TFB2M: variants seen among roughly 807,000 people sequenced by gnomAD.
TFB2M encodes dimethyladenosine transferase 2, mitochondrial.
Under a neutral mutation model 41.3 loss-of-function variants are expected in TFB2M, and 44 were observed. The ratio of observed to expected loss-of-function variants is 1.07; its 90% CI spans 0.84 to 1.37. The LOEUF is 1.37. Ranked by LOEUF, TFB2M falls within the 40% of genes most tolerant of loss-of-function variation. TFB2M has a pLI of 0.00. For missense variants in TFB2M, 496 were observed against 490.2 expected (o/e 1.01, Z -0.11); for synonymous variants, 188 against 176.8 (o/e 1.06, Z -0.50).
intron 7 of TFB2M, among the ~76,000 whole-genome samples, chr1:246,543,217 T>C (rs1251456145): frequency 1.1e-5 from 1 of 88,326 alleles, no homozygotes; most frequent in African/African-American, 3.7e-5. Flanking sequence ...CAACAGCTCA[T>C]TCAGAGTTAA....
intron 2 of TFB2M, 38 bp from the exon 3 acceptor site, chr1:246,557,572 G>A (rs1215305409): frequency 6.6e-7 from 1 of 1,515,812 alleles, no homozygotes; most frequent in South Asian, 1.3e-5. Context: ...AAAATTTTCA[G>A]CATTAAGTAT....
intron 2 of TFB2M, among the ~76,000 whole-genome samples, chr1:246,563,552 C>T (rs780563893): frequency 2.6e-5 from 4 of 151,380 alleles, no homozygotes; most frequent in Admixed American, 6.6e-5. Flanking sequence ...TACAGTGAGC[C>T]GAGATCGCAC....
intron 7 of TFB2M, 128 bp from the exon 8 acceptor site, chr1:246,541,330 C>T: frequency 1.2e-6 from 1 of 830,608 alleles, no homozygotes; most frequent in Middle Eastern, 3.6e-4. Context: ...CTATAATGGA[C>T]ACGGGAGAAT....
In TFB2M at chr1:246,551,951, T is replaced by C. The variant is rs114593198; in HGVS notation, c.706-649A>G. ...GCTGTCTTTCCATGGCTAGCAAATA[T>C]GTATTTACTAAATGGGTCTGGGGGA... On this transcript the variant is annotated intron_variant, in intron 4 of 7. Transcript: ENST00000366514. Among the ~76,000 whole-genome samples, 1,174 of 152,312 alleles carry C rather than the reference T, an allele frequency of 7.7e-3. 9 individuals carry two copies. Among genetic ancestry groups the C allele is most frequent in the Middle Eastern group, 0.024 (7 of 294 alleles).
In TFB2M at chr1:246,548,599, C is replaced by T; in HGVS notation, c.804G>A (p.Trp268Ter). The T allele has an allele frequency of 6.2e-7, 1 of 1,612,984 alleles. No homozygotes were observed. Among genetic ancestry groups the T allele is most frequent in the Non-Finnish European group, 8.5e-7 (1 of 1,179,604 alleles). ...TCCGGGTGTATATATCAAATGATGACCAAGGCTCCTGGGGAAGAAAAACAA... is the reference window on the plus strand; with the variant it reads ...TCCGGGTGTATATATCAAATGATGATCAAGGCTCCTGGGGAAGAAAAACAA... ...CEIKVLHMEPWSSFDIYTRKG... is the reference protein window; with the variant it reads ...CEIKVLHMEP The change falls in exon 6 of 8, where the codon TGG becomes TGA. Residue 268 changes from tryptophan to a stop codon, truncating the protein, a stop_gained. Coordinates refer to ENST00000366514, the MANE Select transcript of TFB2M (RefSeq NM_022366.3). LOFTEE classifies it high-confidence loss of function.
At chr1:246,545,887 A>T (rs1263861559) in intron 6 of TFB2M, among the ~76,000 whole-genome samples, 1 of 151,886 alleles carries the variant, frequency 6.6e-6, no homozygotes, top group Non-Finnish European at 1.5e-5. Context: ...AGTCCACTAA[A>T]TGCAAGGCAC....
At position 246,544,697 on chromosome 1, in the gene TFB2M, A is replaced by G. The variant is rs1187604876; in HGVS notation, c.859-16T>C. On this transcript the variant is annotated splice_polypyrimidine_tract_variant and intron_variant, in intron 6 of 7. Transcript: ENST00000366514. The stretch of plus-strand genomic sequence containing the variant: ...CTAATAATTCCTGGAGAGAAGAAAA[A>G]ATGAATTGCATTAGTCACAAAATAT... The G allele has an allele frequency of 6.3e-7, 1 of 1,577,372 alleles. No individual in the cohort carries two copies. The highest frequency in any genetic ancestry group is 1.7e-4 in the Middle Eastern group (1 of 5,884).
intron 6 of TFB2M, among the ~76,000 whole-genome samples, chr1:246,546,260 CGTGAT>C (rs1659016342): frequency 6.7e-6 from 1 of 149,478 alleles, no homozygotes; most frequent in Non-Finnish European, 1.5e-5. Context: ...TGCAGTAAGC[CGTGAT>C]TATGCCACTG....
At chr1:246,561,546 CA>C (rs564280625) in intron 2 of TFB2M, among the ~76,000 whole-genome samples, 13 of 152,162 alleles carry the variant, frequency 8.5e-5, no homozygotes, top group Non-Finnish European at 1.6e-4. Flanking sequence ...CGGCTCACTG[CA>C]ACCTCCACCT....
At chr1:246,560,212 A>G (rs1659420022) in intron 2 of TFB2M, among the ~76,000 whole-genome samples, 1 of 152,210 alleles carries the variant, frequency 6.6e-6, no homozygotes, top group African/African-American at 2.4e-5. Flanking sequence ...CCCCTGATAT[A>G]GCATTAACAT....
intron 2 of TFB2M, 69 bp from the exon 3 acceptor site, chr1:246,557,603 A>T (rs1209151530): frequency 1.6e-6 from 2 of 1,238,040 alleles, no homozygotes; most frequent in Non-Finnish European, 2.2e-6. Flanking sequence ...AATTCAAAAA[A>T]CTCTACTTCA....
chr1:246,546,149 TACAA>T (rs1290080431), intron 6 of TFB2M, among the ~76,000 whole-genome samples: 2 of 148,986 alleles, frequency 1.3e-5, no homozygotes, highest in Non-Finnish European at 3.0e-5. Flanking sequence ...ACTCCTTCTT[TACAA>T]ACAAACAAAC....
chr1:246,556,824 C>G, intron 3 of TFB2M, 103 bp from the exon 4 acceptor site: 1 of 998,078 alleles, frequency 1.0e-6, no homozygotes, highest in South Asian at 1.9e-5. Context: ...ATATTAATTT[C>G]AAGTTTATTT....
At chr1:246,544,425 A>T in intron 7 of TFB2M, 96 bp downstream of exon 7, 1 of 1,123,990 alleles carries the variant, frequency 8.9e-7, no homozygotes, top group Non-Finnish European at 1.3e-6. Flanking sequence ...ATGGTACCTC[A>T]CTCTGTCAAT....
At chr1:246,542,535 T>C (rs1336673824) in intron 7 of TFB2M, among the ~76,000 whole-genome samples, 1 of 151,896 alleles carries the variant, frequency 6.6e-6, no homozygotes, top group Admixed American at 6.6e-5. Flanking sequence ...TAGCTGGGCA[T>C]AGTGGTGGGC....
At chr1:246,558,062 C>A (rs763403605) in intron 2 of TFB2M, among the ~76,000 whole-genome samples, 64 of 151,736 alleles carry the variant, frequency 4.2e-4, no homozygotes, top group Non-Finnish European at 7.5e-4. Flanking sequence ...AAGTAAAAAT[C>A]AATTAATACC....
At chr1:246,565,041 T>C (rs566538856) in intron 1 of TFB2M, among the ~76,000 whole-genome samples, 1 of 152,160 alleles carries the variant, frequency 6.6e-6, no homozygotes, top group Non-Finnish European at 1.5e-5. Context: ...CACAGCAAAA[T>C]AGATTGCCTC....
At chr1:246,560,602 C>T (rs972052952) in intron 2 of TFB2M, among the ~76,000 whole-genome samples, 2 of 152,240 alleles carry the variant, frequency 1.3e-5, no homozygotes, top group African/African-American at 2.4e-5. Context: ...GGGCACCATA[C>T]ATTCTTGCTT....
intron 3 of TFB2M, among the ~76,000 whole-genome samples, chr1:246,557,004 T>A (rs926933521): frequency 6.6e-6 from 1 of 152,116 alleles, no homozygotes; most frequent in African/African-American, 2.4e-5. Flanking sequence ...CGGGGTACGG[T>A]GGCTCACATC....
Sources: allele counts gnomAD v4.1 joint callset (sites outside exome capture counted in the v4.1 genomes callset), GRCh38; gene constraint gnomAD v4.1.1; transcripts MANE v1.5; gene names NCBI Gene and HGNC (gene_info 2026-07-23, HGNC 2026-07-21).